SPOP: variants seen among roughly 807,000 people sequenced by gnomAD.
SPOP encodes speckle type BTB/POZ protein.
Under a neutral mutation model 45.6 loss-of-function variants are expected in SPOP, and 11 were observed. The observed-to-expected ratio is 0.24, with a 90% CI of 0.15 to 0.40. SPOP has a LOEUF of 0.40. Ranked by LOEUF, SPOP falls within the 10% of genes least tolerant of loss-of-function variation. SPOP has a pLI of 1.00. For missense variants in SPOP, 152 were observed against 465.6 expected, an observed-to-expected ratio of 0.33 and a Z score of 6.20; for synonymous variants, 166 against 166.3, an observed-to-expected ratio of 1.00 and a Z score of 0.01.
At chr17:49,658,780 T>TA (rs2072948825) in intron 1 of SPOP, among the ~76,000 whole-genome samples, 1 of 152,210 alleles carries the variant, frequency 6.6e-6, no homozygotes, top group Non-Finnish European at 1.5e-5. Context: ...AGTACTGGGA[T>TA]ACACTGAGAC....
Position 49,666,492 on chromosome 17 carries a change from CA to C in SPOP, c.-67+11440del, listed in dbSNP as rs1349335975. Among the ~76,000 whole-genome samples, 154 of 131,114 alleles carry C rather than the reference CA, an allele frequency of 1.2e-3. 2 individuals are homozygous for C. In the South Asian group the frequency reaches 0.023, roughly 19 times the overall value. 86.0% of individuals were successfully genotyped at this position (131,114 alleles called of 152,430 possible). A position where few individuals can be genotyped will look rare whatever the true frequency, so the allele number is the denominator to read the frequency against. ...ACACACACACACACACACACACACA[CA>C]CCCATATAGGAACAATATAATAAAT... On this transcript the variant is annotated intron_variant, in intron 1 of 9. Transcript: ENST00000504102.
chr17:49,626,516 G>A (rs1010919969), intron 1 of SPOP, among the ~76,000 whole-genome samples: 6 of 151,962 alleles, frequency 3.9e-5, no homozygotes, highest in Non-Finnish European at 7.4e-5. Context: ...CCAACATGGC[G>A]AAACCCCATC....
At chr17:49,622,107 G>C in intron 2 of SPOP, 40 bp from the exon 3 acceptor site, 18 of 1,604,572 alleles carry the variant, frequency 1.1e-5, no homozygotes, top group Non-Finnish European at 1.5e-5. Context: ...ATAGGAAGTG[G>C]ACAACCTGAA....
In SPOP at chr17:49,673,321, T is replaced by C. The variant is rs367869510; in HGVS notation, c.-67+4612A>G. Among the ~76,000 whole-genome samples the C allele has an allele frequency of 2.1e-3, 322 of 152,156 alleles. 4 individuals carry two copies. The South Asian group carries it at 0.024, about 11-fold the overall frequency. Reference sequence around the variant, plus strand: ...GAGATCAAGACCATCCTGGCTAACATGGTGAAACACCATCTCTACTAAAAA... The same window carrying C: ...GAGATCAAGACCATCCTGGCTAACACGGTGAAACACCATCTCTACTAAAAA... On this transcript the variant is annotated intron_variant, in intron 1 of 9. Coordinates refer to ENST00000504102, the MANE Select transcript of SPOP (RefSeq NM_001007228.2).
At chr17:49,613,185 C>T (rs1301144379) in intron 5 of SPOP, among the ~76,000 whole-genome samples, 2 of 151,452 alleles carry the variant, frequency 1.3e-5, no homozygotes, top group Non-Finnish European at 2.9e-5. Context: ...CTGCCACTTT[C>T]TCATATTAAT....
At chr17:49,602,129 C>G in intron 8 of SPOP, 122 bp from the exon 9 acceptor site, 2 of 1,101,114 alleles carry the variant, frequency 1.8e-6, no homozygotes, top group Non-Finnish European at 2.5e-6. Flanking sequence ...CTGCACAGAC[C>G]ATGAAAAGCT....
intron 9 of SPOP, 94 bp downstream of exon 9, chr17:49,601,771 C>G (rs1448422300): frequency 2.0e-6 from 3 of 1,489,752 alleles, no homozygotes; most frequent in Non-Finnish European, 2.7e-6. Context: ...GTTAATGAAG[C>G]TACTTGCCTG....
chr17:49,636,342 G>A (rs1457398169), intron 1 of SPOP: 1 of 151,980 alleles, frequency 6.6e-6, no homozygotes, highest in African/African-American at 2.4e-5. Flanking sequence ...TGACTCTAAG[G>A]TTTCCGTATC....
At chr17:49,624,331 G>A (rs372292909) in intron 1 of SPOP, among the ~76,000 whole-genome samples, 2,467 of 149,260 alleles carry the variant, frequency 0.017, 52 homozygotes, top group African/African-American at 0.054. Flanking sequence ...GCGCGCGCGC[G>A]CACACACACA....
At chr17:49,642,285 A>T (rs1267402301) in intron 1 of SPOP, among the ~76,000 whole-genome samples, 1 of 152,070 alleles carries the variant, frequency 6.6e-6, no homozygotes, top group Admixed American at 6.6e-5. Context: ...TAATTTCAAT[A>T]AAAAAGTTCT....
At chr17:49,611,904 A>G (rs1213390012) in intron 5 of SPOP, among the ~76,000 whole-genome samples, 1 of 145,948 alleles carries the variant, frequency 6.9e-6, no homozygotes, top group Non-Finnish European at 1.5e-5. Flanking sequence ...TTTTTTTGAG[A>G]CAGAGTCTCA....
chr17:49,622,014 G>A lies in SPOP; in HGVS notation c.132C>T (p.Cys44=), dbSNP rs778043495. The A allele has an allele frequency of 9.9e-6, 16 of 1,613,840 alleles. No homozygotes were observed. The highest frequency in any genetic ancestry group is 1.3e-5 in the Non-Finnish European group (15 of 1,179,844). ...TAATGACTTCACCCATTTCCTCCCG[G>A]CAAAAGCTAAAGTTATTGATGGTCC... ...YMWTINNFSF[C]REEMGEVIKS... The change falls in exon 3 of 10, where the codon TGC becomes TGT. Residue 44 remains cysteine, a synonymous_variant. Coordinates refer to ENST00000504102, the MANE Select transcript of SPOP (RefSeq NM_001007228.2).
chr17:49,622,899 A>G (rs2072247907), intron 1 of SPOP, 23 bp from the exon 2 acceptor site: 4 of 1,076,030 alleles, frequency 3.7e-6, no homozygotes, highest in Non-Finnish European at 5.7e-6. Context: ...AAGAAGCAAG[A>G]AAACTTTATT....
chr17:49,609,745 A>G (rs2071928160), intron 6 of SPOP, among the ~76,000 whole-genome samples: 1 of 152,124 alleles, frequency 6.6e-6, no homozygotes, highest in Admixed American at 6.6e-5. Flanking sequence ...ATGCTAACTC[A>G]AGAAACTCAG....
chr17:49,646,402 A>G (rs1474948196), intron 1 of SPOP: 1 of 152,204 alleles, frequency 6.6e-6, no homozygotes, highest in Non-Finnish European at 1.5e-5. Flanking sequence ...CGTCTCTACT[A>G]AAAATACAAA....
chr17:49,658,887 T>C (rs375757747), intron 1 of SPOP, among the ~76,000 whole-genome samples: 14 of 152,314 alleles, frequency 9.2e-5, no homozygotes, highest in African/African-American at 3.1e-4. Flanking sequence ...TCCCACACCT[T>C]AGCAAAGATC....
At chr17:49,654,061 A>G (rs1223491239) in intron 1 of SPOP, among the ~76,000 whole-genome samples, 1 of 152,188 alleles carries the variant, frequency 6.6e-6, no homozygotes, top group Non-Finnish European at 1.5e-5. Flanking sequence ...AAATTCCTCT[A>G]CATATAATCT....
chr17:49,675,170 A>C (rs115040770), intron 1 of SPOP, among the ~76,000 whole-genome samples: 1 of 152,350 alleles, frequency 6.6e-6, no homozygotes, highest in Admixed American at 6.5e-5. Flanking sequence ...ACAGACACCC[A>C]TGTACACAGA....
chr17:49,672,275 A>C (rs1173944893), intron 1 of SPOP, among the ~76,000 whole-genome samples: 1 of 152,260 alleles, frequency 6.6e-6, no homozygotes, highest in African/African-American at 2.4e-5. Context: ...TGATTTAGGC[A>C]AAGATCATTA....
Sources: allele counts gnomAD v4.1 joint callset (sites outside exome capture counted in the v4.1 genomes callset), GRCh38; gene constraint gnomAD v4.1.1; transcripts MANE v1.5; gene names NCBI Gene and HGNC (gene_info 2026-07-23, HGNC 2026-07-21).